Variants in ADCY5 observed in about 807,000 individuals in gnomAD.
ADCY5 encodes the protein adenylate cyclase type 5.
Under a neutral mutation model 119.7 loss-of-function variants are expected in ADCY5, and 30 were observed. That is an observed-to-expected ratio of 0.25 (90% CI 0.19 to 0.34). ADCY5 has a LOEUF of 0.34. Ranked by LOEUF, ADCY5 falls within the 10% of genes least tolerant of loss-of-function variation. ADCY5 has a pLI of 1.00. For missense variants in ADCY5, 1,324 were observed against 1,775.2 expected, an observed-to-expected ratio of 0.75 and a Z score of 4.57; for synonymous variants, 753 against 762.2, an observed-to-expected ratio of 0.99 and a Z score of 0.20.
chr3:123,315,606 C>T (rs749159474), intron 11 of ADCY5, among the ~76,000 whole-genome samples: 18 of 152,070 alleles, frequency 1.2e-4, no homozygotes, highest in Admixed American at 2.0e-4. Flanking sequence ...GACAGAGTCT[C>T]GCTTTGTTGC....
At chr3:123,388,701 A>G (rs545188808) in intron 1 of ADCY5, among the ~76,000 whole-genome samples, 28 of 152,328 alleles carry the variant, frequency 1.8e-4, no homozygotes, top group Admixed American at 1.0e-3. Flanking sequence ...GAGTGGGAAC[A>G]GCCAAAGAAA....
chr3:123,396,767 A>C (rs142751624), intron 1 of ADCY5, among the ~76,000 whole-genome samples: 31 of 83,768 alleles, frequency 3.7e-4, no homozygotes, highest in Non-Finnish European at 5.2e-4. Context: ...GGAAGGAAGG[A>C]AGGAAGGAAG....
chr3:123,324,236 T>C (rs985610727), intron 8 of ADCY5, among the ~76,000 whole-genome samples: 5 of 152,178 alleles, frequency 3.3e-5, no homozygotes, highest in Admixed American at 6.5e-5. Flanking sequence ...GTCCCCAGCA[T>C]GTCCCCTTCT....
chr3:123,435,763 A>T (rs1945598597), intron 1 of ADCY5, among the ~76,000 whole-genome samples: 1 of 151,706 alleles, frequency 6.6e-6, no homozygotes, highest in Non-Finnish European at 1.5e-5. Flanking sequence ...GCTGAGACCT[A>T]TAATCTCAGC....
At chr3:123,379,073 G>A (rs1382299151) in intron 1 of ADCY5, among the ~76,000 whole-genome samples, 1 of 152,100 alleles carries the variant, frequency 6.6e-6, no homozygotes, top group Non-Finnish European at 1.5e-5. Context: ...TTCCACGAAG[G>A]CTGAGATTCT....
intron 1 of ADCY5, among the ~76,000 whole-genome samples, chr3:123,359,336 A>ATATATATATATATATATATATATG (rs1943158313): frequency 3.8e-4 from 7 of 18,666 alleles, no homozygotes; most frequent in Non-Finnish European, 4.5e-4. Context: ...ACTAAAATAT[A>ATATATATATATATATATATATATG]TATATATATA....
At chr3:123,373,758 G>GCCTCCCCCCCCCC (rs1943718682) in intron 1 of ADCY5, among the ~76,000 whole-genome samples, 3 of 37,072 alleles carry the variant, frequency 8.1e-5, no homozygotes, top group African/African-American at 2.2e-4. Flanking sequence ...GAAGCATCAC[G>GCCTCCCCCCCCCC]CCCCCCCCCC....
chr3:123,291,523 TCTC>T (rs1559779837), intron 17 of ADCY5, 147 bp from the exon 18 acceptor site: 2 of 902,242 alleles, frequency 2.2e-6, no homozygotes, highest in Admixed American at 2.9e-5. Context: ...TACCGCTGTC[TCTC>T]CTCCTCTCTC....
chr3:123,391,514 G>A (rs991166593), intron 1 of ADCY5, among the ~76,000 whole-genome samples: 1 of 152,074 alleles, frequency 6.6e-6, no homozygotes, highest in Non-Finnish European at 1.5e-5. Flanking sequence ...CAATGGAGAC[G>A]TCCTTCCCAG....
At chr3:123,426,611 G>A (rs1424869871) in intron 1 of ADCY5, among the ~76,000 whole-genome samples, 3 of 152,314 alleles carry the variant, frequency 2.0e-5, no homozygotes, top group South Asian at 2.1e-4. Flanking sequence ...GATTACGGGC[G>A]TGAGCCACTG....
intron 1 of ADCY5, among the ~76,000 whole-genome samples, chr3:123,412,016 C>T (rs1295548448): frequency 6.6e-6 from 1 of 152,238 alleles, no homozygotes; most frequent in Non-Finnish European, 1.5e-5. Context: ...CTATCCTACC[C>T]TAGGCTCTGC....
intron 1 of ADCY5, among the ~76,000 whole-genome samples, chr3:123,361,063 G>T (rs1943228976): frequency 6.6e-6 from 1 of 152,174 alleles, no homozygotes; most frequent in East Asian, 1.9e-4. Flanking sequence ...ACCTAATTTA[G>T]ATCTAGTTTT....
chr3:123,312,914 G>C (rs1379643116), intron 12 of ADCY5, among the ~76,000 whole-genome samples: 1 of 143,182 alleles, frequency 7.0e-6, no homozygotes, highest in African/African-American at 3.0e-5. Flanking sequence ...AGGCTGGGGG[G>C]GGCCTTGACA....
At position 123,447,699 on chromosome 3, in the gene ADCY5, T is replaced by G. The variant is rs375278233; in HGVS notation, c.847A>C (p.Ile283Leu). The G allele has an allele frequency of 1.9e-6, 3 of 1,604,008 alleles. No individual in the cohort carries two copies. The Admixed American group carries it at 5.0e-5, about 27-fold the overall frequency. Residue 283 changes from isoleucine to leucine, a missense_variant, in exon 1 of 21, where the codon ATC becomes CTC. Physicochemically the swap from Ile to Leu is conservative, Grantham distance 5 (BLOSUM62 2). This residue lies in a region of ADCY5 where 585 missense variants were observed against 569.9 expected (regional missense o/e 1.03). Transcript: ENST00000462833. ...VLAAAVGVIL[I>L]MAVLCNRAAF... ...GCGCGGTTGCAAAGCACAGCCATGA[T>G]GAGGATCACGCCGACGGCGGCCGCC...
rs9874390 is a variant in ADCY5, at chr3:123,314,114, C to G, written c.2442+121G>C. On this transcript the variant is annotated intron_variant, in intron 12 of 20. Coordinates refer to ENST00000462833, the MANE Select transcript of ADCY5 (RefSeq NM_183357.3). ...AGAGGTGTGGCTGGCATCAGGCACT[C>G]TCCCACCCCTGCCAAGCACAATACT... 637 of 746,990 alleles carry G rather than the reference C, an allele frequency of 8.5e-4. 7 individuals are homozygous for G. In the African/African-American group the frequency reaches 9.1e-3, roughly 11 times the overall value. 46.3% of individuals were successfully genotyped at this position (746,990 alleles called of 1,614,324 possible). A position where few individuals can be genotyped will look rare whatever the true frequency, so the allele number is the denominator to read the frequency against.
intron 12 of ADCY5, among the ~76,000 whole-genome samples, chr3:123,311,416 C>T (rs1427061220): frequency 6.6e-6 from 1 of 152,188 alleles, no homozygotes; most frequent in Non-Finnish European, 1.5e-5. Context: ...GGGTACTGTT[C>T]CCCGCCATGC....
At chr3:123,447,149 T>C (rs999161692) in intron 1 of ADCY5, among the ~76,000 whole-genome samples, 1 of 152,172 alleles carries the variant, frequency 6.6e-6, no homozygotes, top group Non-Finnish European at 1.5e-5. Context: ...CCTCACTGCA[T>C]TCCCACAGTG....
At chr3:123,329,350 G>A (rs1282289126) in intron 5 of ADCY5, among the ~76,000 whole-genome samples, 1 of 152,210 alleles carries the variant, frequency 6.6e-6, no homozygotes, top group African/African-American at 2.4e-5. Context: ...GCCTGGGCAG[G>A]TGCAGGGGCT....
intron 1 of ADCY5, among the ~76,000 whole-genome samples, chr3:123,365,795 C>G (rs941082591): frequency 6.6e-6 from 1 of 152,114 alleles, no homozygotes; most frequent in Non-Finnish European, 1.5e-5. Flanking sequence ...ATGAAGGTGA[C>G]TCTGGATGTT....
Sources: gnomAD v4.1 joint callset for allele counts (sites outside exome capture counted in the v4.1 genomes callset) on GRCh38, gnomAD v4.1.1 for gene constraint, gnomAD v4.1.1 regional missense constraint, MANE v1.5 for transcripts, NCBI Gene and HGNC (gene_info 2026-07-23, HGNC 2026-07-21) for gene names.